Variants in BRCC3 observed in about 807,000 individuals in gnomAD.
The protein encoded by BRCC3 is lys-63-specific deubiquitinase BRCC36.
In BRCC3, 15 loss-of-function variants were observed where a neutral mutation model predicts 28.0. The observed-to-expected ratio is 0.54, with a 90% CI of 0.36 to 0.82. The LOEUF (loss-of-function observed/expected upper bound fraction) is 0.82, where lower values mean the gene tolerates loss of function less well. Ranked by LOEUF, BRCC3 falls within the 40% of genes least tolerant of loss-of-function variation. The pLI is 0.01. For synonymous variants in BRCC3, 66 were observed against 80.3 expected (o/e 0.82, Z 0.95); for missense variants, 109 against 225.9 (o/e 0.48, Z 3.32).
chrX:155,098,317 T>G (rs1364378184), intron 7 of BRCC3, among the ~76,000 whole-genome samples: 1 of 112,349 alleles, frequency 8.9e-6, no homozygotes, highest in African/African-American at 3.2e-5. Context: ...TTATTTTCTC[T>G]TCAACCCAAG....
intron 7 of BRCC3, among the ~76,000 whole-genome samples, chrX:155,112,378 G>A (rs2074327509): frequency 8.9e-6 from 1 of 112,268 alleles, no homozygotes; most frequent in African/African-American, 3.2e-5. Flanking sequence ...TCCTGGGCAG[G>A]TTAGAGCAGG....
rs782505256 is a variant in BRCC3 at position 155,115,900 on chromosome X, G to T, written c.549-157G>T. On this transcript the variant is annotated intron_variant, in intron 7 of 10. Transcript: ENST00000330045. ...TTTGCTCTCCAGACGAACCCAGTTT[G>T]AACTCTATCCACTTTGAAGTTGCAT... is the stretch of plus-strand genomic sequence containing the variant. Among the ~76,000 whole-genome samples the T allele has an allele frequency of 2.7e-4, 30 of 112,161 alleles. No individual in the cohort carries two copies. The South Asian group carries it at 0.011, about 40-fold the overall frequency.
chrX:155,082,152 G>C (rs781798435), intron 5 of BRCC3, among the ~76,000 whole-genome samples: 2 of 112,178 alleles, frequency 1.8e-5, no homozygotes, highest in African/African-American at 6.5e-5. Flanking sequence ...ATCAGCTAAA[G>C]GGTAAGTGAG....
At chrX:155,071,800 G>T (rs868916155) in intron 1 of BRCC3, 150 bp downstream of exon 1, 1 of 695,236 alleles carries the variant, frequency 1.4e-6, no homozygotes. Flanking sequence ...GTCGCGGGGA[G>T]CCCCGTTTCT....
intron 5 of BRCC3, chrX:155,078,974 C>T: frequency 3.9e-6 from 1 of 258,412 alleles, no homozygotes; most frequent in Non-Finnish European, 6.8e-6. Flanking sequence ...CACTCCCATT[C>T]TGCAGACTTA....
intron 7 of BRCC3, among the ~76,000 whole-genome samples, chrX:155,115,713 A>C (rs1469645818): frequency 1.8e-5 from 2 of 112,003 alleles, no homozygotes; most frequent in Non-Finnish European, 3.8e-5. Flanking sequence ...GTTCAACCTC[A>C]CTGGCAACTT....
At chrX:155,120,247 GTAGT>G (rs781920889) in intron 10 of BRCC3, 79 bp downstream of exon 10, 150 of 780,090 alleles carry the variant, frequency 1.9e-4, no homozygotes, top group Non-Finnish European at 2.6e-4. Flanking sequence ...AGACAATAGA[GTAGT>G]TATTTTTCAC....
chrX:155,116,237 TCTTTTCTTCTTCTGTC>T (rs1238318258), intron 8 of BRCC3, 49 bp downstream of exon 8: 9 of 1,102,646 alleles, frequency 8.2e-6, no homozygotes, highest in Non-Finnish European at 1.1e-5. Context: ...ACCTAGTCTC[TCTTTTCTTCTTCTGTC>T]CTTTTCTCTT....
At chrX:155,081,897 TGGG>T (rs781888252) in intron 5 of BRCC3, among the ~76,000 whole-genome samples, 3 of 111,463 alleles carry the variant, frequency 2.7e-5, no homozygotes, top group Non-Finnish European at 5.7e-5. Flanking sequence ...ATGATTTTGT[TGGG>T]GGGAAAACAG....
At chrX:155,115,579 G>T (rs1176844235) in intron 7 of BRCC3, among the ~76,000 whole-genome samples, 1 of 112,555 alleles carries the variant, frequency 8.9e-6, no homozygotes, top group Non-Finnish European at 1.9e-5. Flanking sequence ...GGGAGAAAAT[G>T]GGAAGTGAGG....
intron 7 of BRCC3, among the ~76,000 whole-genome samples, chrX:155,112,337 A>G (rs141480129): frequency 1.9e-4 from 21 of 112,061 alleles, no homozygotes; most frequent in South Asian, 3.7e-4. Context: ...CATATACAGT[A>G]TGGATCAGAT....
chrX:155,104,246 G>C (rs1204484232), intron 7 of BRCC3, among the ~76,000 whole-genome samples: 1 of 111,334 alleles, frequency 9.0e-6, no homozygotes, highest in Admixed American at 9.6e-5. Context: ...TTGATTGGAT[G>C]CAGACACTGT....
intron 3 of BRCC3, among the ~76,000 whole-genome samples, chrX:155,075,604 C>G (rs12010372): frequency 0.027 from 2,962 of 111,400 alleles, 97 homozygotes; most frequent in African/African-American, 0.091. Context: ...TCCTCTTTGA[C>G]CGTTTCCTGT....
Position 155,079,766 on chromosome X carries a change from G to C in BRCC3, c.403+1063G>C, listed in dbSNP as rs782487189. Among the ~76,000 whole-genome samples the C allele has an allele frequency of 2.7e-5, 3 of 111,032 alleles. No individual in the cohort carries two copies. The South Asian group carries it at 1.1e-3, about 42-fold the overall frequency. ...CAGATTTGCCAAACTTTAACATTTG[G>C]CAACACTTGCTGTATCATTCTCTTA... On this transcript the variant is annotated intron_variant, in intron 5 of 10. Transcript: ENST00000330045.
At chrX:155,107,906 G>T (rs192199827) in intron 7 of BRCC3, among the ~76,000 whole-genome samples, 1 of 111,384 alleles carries the variant, frequency 9.0e-6, no homozygotes, top group East Asian at 2.8e-4. Context: ...GTTGGTCTTA[G>T]CTTTTCAATT....
At chrX:155,107,446 C>T (rs72616490) in intron 7 of BRCC3, among the ~76,000 whole-genome samples, 4 of 110,482 alleles carry the variant, frequency 3.6e-5, no homozygotes, top group African/African-American at 9.9e-5. Context: ...AGCCCCAAAC[C>T]TGCAGCCCTT....
intron 7 of BRCC3, among the ~76,000 whole-genome samples, chrX:155,095,799 G>A (rs1050522216): frequency 2.7e-5 from 3 of 111,235 alleles, no homozygotes; most frequent in African/African-American, 9.8e-5. Flanking sequence ...CTTTTATTCT[G>A]TATTTCTACT....
chrX:155,090,956 A>G (rs1167119953), intron 7 of BRCC3, 117 bp downstream of exon 7: 4 of 534,990 alleles, frequency 7.5e-6, no homozygotes, highest in Non-Finnish European at 1.3e-5. Context: ...CTGCATTTTT[A>G]TTTATACTCA....
At chrX:155,109,994 A>G (rs2074310460) in intron 7 of BRCC3, among the ~76,000 whole-genome samples, 1 of 111,578 alleles carries the variant, frequency 9.0e-6, no homozygotes, top group South Asian at 3.7e-4. Context: ...GCATTTATTA[A>G]GATAATCATA....
Sources: allele counts gnomAD v4.1 joint callset (sites outside exome capture counted in the v4.1 genomes callset), GRCh38; gene constraint gnomAD v4.1.1; transcripts MANE v1.5; gene names NCBI Gene and HGNC (gene_info 2026-07-23, HGNC 2026-07-21).